ZNF227: variants seen among roughly 807,000 people sequenced by gnomAD.
The protein encoded by ZNF227 is zinc finger protein 227.
Under a neutral mutation model 13.2 loss-of-function variants are expected in ZNF227, and 12 were observed. The ratio of observed to expected loss-of-function variants is 0.91; its 90% CI spans 0.58 to 1.47. The LOEUF is 1.47. Ranked by LOEUF, ZNF227 falls within the 40% of genes most tolerant of loss-of-function variation. The probability of loss-of-function intolerance (pLI) is 0.00; values close to 1 mark genes in which losing one functional copy is unlikely to be tolerated. For missense variants in ZNF227, 885 were observed against 967.5 expected, an observed-to-expected ratio of 0.91 and a Z score of 1.13; for synonymous variants, 338 against 326.0, an observed-to-expected ratio of 1.04 and a Z score of -0.40.
chr19:44,235,089 A>C lies in ZNF227; in HGVS notation c.659A>C (p.Asp220Ala). The C allele has an allele frequency of 6.2e-7, 1 of 1,613,924 alleles. No individual in the cohort carries two copies. The highest frequency in any genetic ancestry group is 8.5e-7 in the Non-Finnish European group (1 of 1,179,964). ...KSPFHEHIKT[D>A]TEPKPCKGNE... Reference sequence around the variant, plus strand: ...CCATTTCATGAGCATATTAAAACTGACACAGAACCAAAACCCTGCAAAGGT... The same window carrying C: ...CCATTTCATGAGCATATTAAAACTGCCACAGAACCAAAACCCTGCAAAGGT... The change falls in exon 6 of 6, where the codon GAC (aspartate) becomes GCC (alanine). Residue 220 changes from aspartate to alanine, a missense_variant. Coordinates refer to ENST00000313040, the MANE Select transcript of ZNF227 (RefSeq NM_182490.3).
chr19:44,211,020 C>T (rs1386204291), upstream of ZNF227, among the ~76,000 whole-genome samples: 1 of 152,154 alleles, frequency 6.6e-6, no homozygotes, highest in Admixed American at 6.5e-5. Context: ...ATGGCAAAAC[C>T]CCGTCTCTAC....
In ZNF227 at chr19:44,233,795, C is replaced by G. The variant is rs530500691; in HGVS notation, c.272-907C>G. ...CCAGTAATCCCCGCTACCCGGGAGGCTGAGGAGGAGAATCTCTTGAACCCA... is the reference window on the plus strand; with the variant it reads ...CCAGTAATCCCCGCTACCCGGGAGGGTGAGGAGGAGAATCTCTTGAACCCA... On this transcript the variant is annotated intron_variant, in intron 5 of 5. Transcript: ENST00000313040. Among the ~76,000 whole-genome samples, 14 of 152,168 alleles carry G rather than the reference C, an allele frequency of 9.2e-5. No homozygotes were observed. In the South Asian group the frequency reaches 2.7e-3, roughly 29 times the overall value.
chr19:44,229,852 T>C, intron 5 of ZNF227, 36 bp downstream of exon 5: 1 of 1,458,684 alleles, frequency 6.9e-7, no homozygotes, highest in Non-Finnish European at 9.3e-7. Flanking sequence ...GTCTGTTCTT[T>C]CAGGTACTGG....
chr19:44,236,720 A>G lies in ZNF227; in HGVS notation c.2290A>G (p.Arg764Gly), dbSNP rs1487635379. The change falls in exon 6 of 6, where the codon AGA (arginine) becomes GGA (glycine). Residue 764 changes from arginine (R) to glycine (G), a missense_variant. Transcript: ENST00000313040. Reference sequence around the variant, plus strand: ...GAGTGCACGTCTTGAAGCCCATCAGAGAGTCCACACTGGAGAAAAACCATA... The same window carrying G: ...GAGTGCACGTCTTGAAGCCCATCAGGGAGTCCACACTGGAGAAAAACCATA... ...SQSARLEAHQ[R>G]VHTGEKPYKC... 2.0e-5 allele frequency: 33 copies of G among 1,613,872 alleles called. No individual in the cohort carries two copies. Among genetic ancestry groups the G allele is most frequent in the Non-Finnish European group, 2.7e-5 (32 of 1,179,972 alleles).
chr19:44,222,453 T>G (rs1214011278), intron 3 of ZNF227, among the ~76,000 whole-genome samples: 8 of 151,496 alleles, frequency 5.3e-5, no homozygotes, highest in Admixed American at 5.3e-4. Flanking sequence ...CAGTGGTTTG[T>G]AGTTCTCCTT....
At chr19:44,214,644 C>G (rs1460372702) in intron 2 of ZNF227, among the ~76,000 whole-genome samples, 1 of 152,310 alleles carries the variant, frequency 6.6e-6, no homozygotes, top group East Asian at 1.9e-4. Context: ...TCCCAAAGTG[C>G]TGGGATTACC....
chr19:44,218,303 CTACTT>C (rs1458125670), intron 3 of ZNF227, among the ~76,000 whole-genome samples: 3 of 152,200 alleles, frequency 2.0e-5, no homozygotes, highest in Non-Finnish European at 4.4e-5. Context: ...AAGAATTTTA[CTACTT>C]TAAAGTAAAT....
intron 3 of ZNF227, among the ~76,000 whole-genome samples, chr19:44,220,343 AG>A (rs1280585434): frequency 6.6e-6 from 1 of 152,176 alleles, no homozygotes. Context: ...TAGATCCCTG[AG>A]GAATTGCCAC....
At chr19:44,231,147 C>T (rs1973792495) in intron 5 of ZNF227, among the ~76,000 whole-genome samples, 1 of 150,652 alleles carries the variant, frequency 6.6e-6, no homozygotes, top group Non-Finnish European at 1.5e-5. Context: ...GTCTTGCTTG[C>T]TCTGTCACCT....
chr19:44,209,672 C>G (rs1321362148), upstream of ZNF227, among the ~76,000 whole-genome samples: 1 of 152,146 alleles, frequency 6.6e-6, no homozygotes, highest in Non-Finnish European at 1.5e-5. Context: ...CTGCAAGCTC[C>G]ACCTCCCGGG....
upstream of ZNF227, among the ~76,000 whole-genome samples, chr19:44,211,700 A>T (rs1018712472): frequency 2.6e-5 from 4 of 151,930 alleles, no homozygotes; most frequent in Admixed American, 2.0e-4. Flanking sequence ...TCCATAATAT[A>T]TTCTGCCTTC....
upstream of ZNF227, among the ~76,000 whole-genome samples, chr19:44,212,116 C>T (rs764004861): frequency 9.2e-5 from 14 of 151,932 alleles, no homozygotes; most frequent in Non-Finnish European, 1.9e-4. Flanking sequence ...TCTGGAACTC[C>T]TGACCTCGTG....
rs570039985 is a variant in ZNF227, at chr19:44,225,386, C to T, written c.61-3060C>T. Among the ~76,000 whole-genome samples, 12 of 152,332 alleles carry T rather than the reference C, an allele frequency of 7.9e-5. No homozygotes were observed. In the East Asian group the frequency reaches 1.5e-3, roughly 20 times the overall value. ...GTTTCCAACTTGGTTCCATTCTCCC[C>T]GTCACTTTCAGGTACACCAATCAGA... On this transcript the variant is annotated intron_variant, in intron 3 of 5. Transcript: ENST00000313040.
chr19:44,231,712 G>A (rs1181653972), intron 5 of ZNF227, among the ~76,000 whole-genome samples: 1 of 152,180 alleles, frequency 6.6e-6, no homozygotes, highest in Non-Finnish European at 1.5e-5. Context: ...CTTTTACTCA[G>A]AGTTAGCTCA....
In ZNF227 at chr19:44,235,774, T is replaced by C; in HGVS notation, c.1344T>C (p.Asn448=). ...TGTGTGGTAAGGGCTTCAGCCACAA[T>C]TCACCATTAATATGCCATCGGAGAG... The part of the protein sequence containing the change: ...CDVCGKGFSH[N]SPLICHRRVH... Residue 448 remains asparagine, a synonymous_variant, in exon 6 of 6, where the codon AAT becomes AAC. Coordinates refer to ENST00000313040, the MANE Select transcript of ZNF227 (RefSeq NM_182490.3). The C allele has an allele frequency of 6.2e-7, 1 of 1,613,104 alleles. No individual in the cohort carries two copies. Among genetic ancestry groups the C allele is most frequent in the South Asian group, 1.1e-5 (1 of 91,034 alleles).
intron 3 of ZNF227, among the ~76,000 whole-genome samples, chr19:44,225,992 C>T (rs1056163116): frequency 6.6e-6 from 1 of 152,182 alleles, no homozygotes; most frequent in Non-Finnish European, 1.5e-5. Context: ...AGACAGGACC[C>T]TCAGCTGCAG....
chr19:44,217,545 T>A, intron 2 of ZNF227: 2 of 676,132 alleles, frequency 3.0e-6, no homozygotes, highest in East Asian at 5.7e-5. Context: ...ACATTGCCTC[T>A]CGTTTCCTGC....
At chr19:44,217,685 A>G in intron 2 of ZNF227, 106 bp from the exon 3 acceptor site, 2 of 1,184,742 alleles carry the variant, frequency 1.7e-6, no homozygotes, top group East Asian at 2.3e-5. Context: ...ACCAAGCTGT[A>G]TGTGGCTATA....
At chr19:44,217,997 T>G in intron 3 of ZNF227, 145 bp downstream of exon 3, 1 of 877,040 alleles carries the variant, frequency 1.1e-6, no homozygotes, top group East Asian at 2.6e-5. Flanking sequence ...TTTTTTTGTT[T>G]TAGTTTATCA....
Sources: allele counts gnomAD v4.1 joint callset (sites outside exome capture counted in the v4.1 genomes callset), GRCh38; gene constraint gnomAD v4.1.1; transcripts MANE v1.5; gene names NCBI Gene and HGNC (gene_info 2026-07-23, HGNC 2026-07-21).